Variants in USP6 observed in about 807,000 individuals in gnomAD.
The protein encoded by USP6 is ubiquitin specific peptidase 6, also known as ubiquitin carboxyl-terminal hydrolase 6.
USP6 carries 128 observed loss-of-function variants against 175.7 expected under a neutral mutation model. That is an observed-to-expected ratio of 0.73 (90% CI 0.63 to 0.84). The LOEUF (loss-of-function observed/expected upper bound fraction) is 0.84. Among genes scored for constraint, USP6 ranks in the 40% least tolerant of loss-of-function variants. The probability of loss-of-function intolerance (pLI) is 0.00; values close to 1 mark genes in which losing one functional copy is unlikely to be tolerated. For missense variants in USP6, 1,498 were observed against 1,760.3 expected (o/e 0.85, Z 2.67); for synonymous variants, 562 against 630.6 (o/e 0.89, Z 1.63).
At chr17:5,157,243 G>T (rs1377100936) in intron 31 of USP6, among the ~76,000 whole-genome samples, 1 of 151,182 alleles carries the variant, frequency 6.6e-6, no homozygotes, top group Admixed American at 6.6e-5. Context: ...CTGCCACCAC[G>T]CCTGGCTAGT....
At chr17:5,136,591 A>C (rs771638089) in intron 17 of USP6, 49 bp from the exon 18 acceptor site, 1 of 1,602,786 alleles carries the variant, frequency 6.2e-7, no homozygotes, top group East Asian at 2.2e-5. Context: ...TGATGGCTCC[A>C]CACCTTGGGG....
At chr17:5,162,677 G>T (rs967764939) in intron 32 of USP6, among the ~76,000 whole-genome samples, 7 of 152,128 alleles carry the variant, frequency 4.6e-5, no homozygotes, top group African/African-American at 1.7e-4. Flanking sequence ...ATAAAGACTT[G>T]AAAAGTGAAA....
chr17:5,163,292 C>T (rs1251424282), intron 33 of USP6, among the ~76,000 whole-genome samples: 5 of 152,182 alleles, frequency 3.3e-5, no homozygotes, highest in Non-Finnish European at 4.4e-5. Flanking sequence ...TACTACTATT[C>T]GGCAGCCTGG....
chr17:5,128,783 T>TA (rs2072971060), intron 7 of USP6, 169 bp from the exon 8 acceptor site: 1 of 152,680 alleles, frequency 6.5e-6, no homozygotes, highest in Non-Finnish European at 1.5e-5. Context: ...CACTGGTGCT[T>TA]AGCACCTATC....
chr17:5,157,371 C>G (rs1460007727), intron 31 of USP6, among the ~76,000 whole-genome samples: 2 of 152,144 alleles, frequency 1.3e-5, no homozygotes, highest in African/African-American at 4.8e-5. Context: ...CAGGCATGAG[C>G]CATCGCGCCC....
Position 5,142,586 on chromosome 17 carries a change from C to T in USP6, c.1818+84C>T. 3.4e-6 allele frequency: 5 copies of T among 1,480,146 alleles called. 1 individual carries two copies. The Middle Eastern group carries it at 5.3e-4, about 158-fold the overall frequency. The allele number at this position is 1,480,146 out of a possible 1,614,324, so 91.7% of individuals were successfully genotyped here. ...TTCTCTACTTGTTTTTTGTGTTTAG[C>T]CTTTTAGCTTAATGAACGTTTTTGG... On this transcript the variant is annotated intron_variant, in intron 25 of 37. Transcript: ENST00000574788.
intron 19 of USP6, among the ~76,000 whole-genome samples, chr17:5,137,416 A>G (rs1197044349): frequency 2.0e-5 from 3 of 152,216 alleles, no homozygotes; most frequent in South Asian, 4.1e-4. Flanking sequence ...GAGAGGGCTC[A>G]GGGAAGCCTC....
intron 29 of USP6, among the ~76,000 whole-genome samples, chr17:5,147,637 A>G (rs1163634478): frequency 6.6e-6 from 1 of 152,238 alleles, no homozygotes; most frequent in Non-Finnish European, 1.5e-5. Flanking sequence ...TAATTCCCCA[A>G]CTATAAAGGG....
chr17:5,125,793 G>A (rs1466348844), intron 5 of USP6, 28 bp from the exon 6 acceptor site: 2 of 151,568 alleles, frequency 1.3e-5, no homozygotes, highest in Non-Finnish European at 2.9e-5. Context: ...TTGTTTTTTT[G>A]AGATGGAATT....
chr17:5,151,341 T>G (rs1269324754), intron 30 of USP6, among the ~76,000 whole-genome samples: 1 of 152,162 alleles, frequency 6.6e-6, no homozygotes, highest in Non-Finnish European at 1.5e-5. Context: ...GTTCATGGAT[T>G]AGAAGACTCG....
At chr17:5,172,483 AT>A (rs1304248045) in intron 37 of USP6, among the ~76,000 whole-genome samples, 15 of 152,362 alleles carry the variant, frequency 9.8e-5, no homozygotes, top group East Asian at 9.6e-4. Context: ...GTGAGCTGAG[AT>A]TGCACCAGTG....
At chr17:5,137,257 G>A in intron 19 of USP6, 71 bp downstream of exon 19, 2 of 1,578,994 alleles carry the variant, frequency 1.3e-6, no homozygotes, top group Non-Finnish European at 1.7e-6. Flanking sequence ...CCCCAGCCCG[G>A]GGGTCTGGCT....
In USP6 at chr17:5,133,915, C is replaced by G; in HGVS notation, c.413C>G (p.Ser138Cys). The change falls in exon 15 of 38, where the codon TCT becomes TGT. Residue 138 changes from serine to cysteine, a missense_variant. Around this residue, in one of 2 missense-constraint regions of USP6, gnomAD observed 281 missense variants for 259.6 expected, o/e 1.08. Coordinates refer to ENST00000574788, the MANE Select transcript of USP6 (RefSeq NM_001304284.2). ...ATGAAGGAGAGGGGCAAGAGGTCAT[C>G]TGAACACATCCACCACATCGACCTG... The part of the protein sequence containing the change: ...QIMKERGKRS[S>C]EHIHHIDLDV... The G allele has an allele frequency of 1.2e-6, 2 of 1,614,160 alleles. No individual in the cohort carries two copies. The highest frequency in any genetic ancestry group is 1.6e-4 in the Middle Eastern group (1 of 6,062).
In USP6 at chr17:5,171,620, A is replaced by G. The variant is rs763727666; in HGVS notation, c.3988A>G (p.Ile1330Val). The G allele has an allele frequency of 1.9e-6, 3 of 1,613,820 alleles. No individual in the cohort carries two copies. The highest frequency in any genetic ancestry group is 2.2e-5 in the South Asian group (2 of 91,078). Residue 1330 changes from isoleucine (I) to valine (V), a missense_variant, in exon 37 of 38, where the codon ATC becomes GTC. Physicochemically the swap from Ile to Val is conservative, Grantham distance 29 (BLOSUM62 3). Around this residue, in one of 2 missense-constraint regions of USP6, gnomAD observed 1,217 missense variants for 1,500.8 expected, o/e 0.81. Coordinates refer to ENST00000574788, the MANE Select transcript of USP6 (RefSeq NM_001304284.2). ...HSGILSGGHY[I>V]TYAKNPNCKW... Reference sequence around the variant, plus strand: ...AGGAATTCTGAGTGGGGGCCATTACATCACTTATGCCAAAAACCCAAACTG... The same window carrying G: ...AGGAATTCTGAGTGGGGGCCATTACGTCACTTATGCCAAAAACCCAAACTG...
intron 31 of USP6, among the ~76,000 whole-genome samples, chr17:5,157,512 A>C (rs2073909722): frequency 6.6e-6 from 1 of 152,242 alleles, no homozygotes; most frequent in East Asian, 1.9e-4. Context: ...AAAGTTGGAC[A>C]AGATTAAATT....
In USP6 at chr17:5,139,724, C is replaced by T. The variant is rs373495429; in HGVS notation, c.1498+50C>T. On this transcript the variant is annotated intron_variant, in intron 22 of 37. Coordinates refer to ENST00000574788, the MANE Select transcript of USP6 (RefSeq NM_001304284.2). Reference sequence around the variant, plus strand: ...AGCCACAATGTGGGCATGGACTTCCCGGCCCTGCAGTGCACCCAGCACTGA... The same window carrying T: ...AGCCACAATGTGGGCATGGACTTCCTGGCCCTGCAGTGCACCCAGCACTGA... 175 of 1,598,412 alleles carry T rather than the reference C, an allele frequency of 1.1e-4. 3 individuals are homozygous for T. The highest frequency in any genetic ancestry group is 6.7e-4 in the East Asian group (30 of 44,880).
At chr17:5,166,541 A>G (rs1340598446) in intron 33 of USP6, among the ~76,000 whole-genome samples, 1 of 152,102 alleles carries the variant, frequency 6.6e-6, no homozygotes, top group Non-Finnish European at 1.5e-5. Context: ...GGAGCAATAA[A>G]TAGGGTGGGT....
rs2072934163 is a variant in USP6 at position 5,127,649 on chromosome 17, T to TA, written c.-338+11dup. On this transcript the variant is annotated intron_variant, in intron 7 of 37. Transcript: ENST00000574788. The stretch of plus-strand genomic sequence containing the variant: ...TGAGAAGCCTTCCTGAGTGAGTTTA[T>TA]ATAGTCATCCCTTGGTATCCATGGA... The TA allele has an allele frequency of 6.6e-6, 1 of 152,210 alleles. No homozygotes were observed. Among genetic ancestry groups the TA allele is most frequent in the Non-Finnish European group, 1.5e-5 (1 of 68,040 alleles). 9.4% of individuals were successfully genotyped at this position (152,210 alleles called of 1,614,324 possible). A position where few individuals can be genotyped will look rare whatever the true frequency, so the allele number is the denominator to read the frequency against.
rs543863828 is a variant in USP6, at chr17:5,169,094, C to G, written c.3517+39C>G. 8.5e-6 allele frequency: 13 copies of G among 1,525,558 alleles called. No individual in the cohort carries two copies. In the Admixed American group the frequency reaches 2.9e-4, roughly 34 times the overall value. 94.5% of individuals were successfully genotyped at this position (1,525,558 alleles called of 1,614,324 possible). On this transcript the variant is annotated intron_variant, in intron 35 of 37. Transcript: ENST00000574788. Reference sequence around the variant, plus strand: ...GCCTTATGCAGTTGCTTTCTTGGGACTCCTGTAGGCTACATATGTTTCTCT... The same window carrying G: ...GCCTTATGCAGTTGCTTTCTTGGGAGTCCTGTAGGCTACATATGTTTCTCT...
Sources: allele counts gnomAD v4.1 joint callset (sites outside exome capture counted in the v4.1 genomes callset), GRCh38; gene constraint gnomAD v4.1.1; regional missense constraint gnomAD v4.1.1; transcripts MANE v1.5; gene names NCBI Gene and HGNC (gene_info 2026-07-23, HGNC 2026-07-21).